Variants in BARX2 observed in about 807,000 individuals in gnomAD.
The protein encoded by BARX2 is BARX homeobox 2, also known as homeobox protein BarH-like 2.
BARX2 carries 11 observed loss-of-function variants against 25.5 expected under a neutral mutation model. The ratio of observed to expected loss-of-function variants is 0.43; its 90% confidence interval spans 0.27 to 0.71. The LOEUF (loss-of-function observed/expected upper bound fraction) is 0.71. BARX2 is among the 30% of genes least tolerant of loss of function. The probability of loss-of-function intolerance (pLI) is 0.19; values close to 1 mark genes in which losing one functional copy is unlikely to be tolerated. For missense variants in BARX2, 360 were observed against 359.9 expected, an observed-to-expected ratio of 1.00 and a Z score of 0.00; for synonymous variants, 137 against 149.5, an observed-to-expected ratio of 0.92 and a Z score of 0.61.
intron 1 of BARX2, among the ~76,000 whole-genome samples, chr11:129,393,532 T>C (rs1306392052): frequency 6.6e-6 from 1 of 151,974 alleles, no homozygotes; most frequent in African/African-American, 2.4e-5. Context: ...TTTTTTTTTT[T>C]TCCTGGAGCA....
At chr11:129,394,935 A>ATTTT (rs33959182) in intron 1 of BARX2, among the ~76,000 whole-genome samples, 6 of 144,838 alleles carry the variant, frequency 4.1e-5, no homozygotes, top group South Asian at 2.2e-4. Context: ...TCCACTCAGC[A>ATTTT]TTTTTTTTTT....
intron 2 of BARX2, among the ~76,000 whole-genome samples, chr11:129,442,310 G>A (rs192528877): frequency 1.1e-4 from 16 of 152,118 alleles, no homozygotes; most frequent in Non-Finnish European, 2.9e-5. Flanking sequence ...AGTGATCAGA[G>A]AACAGCAGGA....
intron 2 of BARX2, 146 bp downstream of exon 2, chr11:129,437,197 C>T: frequency 2.1e-6 from 2 of 970,132 alleles, no homozygotes; most frequent in East Asian, 2.9e-5. Flanking sequence ...ATCATCTCAA[C>T]CTTGGTTAAC....
chr11:129,397,921 G>A lies in BARX2; in HGVS notation c.187+21699G>A, dbSNP rs549107547. Among the ~76,000 whole-genome samples, 4 of 152,358 alleles carry A rather than the reference G, an allele frequency of 2.6e-5. No individual in the cohort carries two copies. The East Asian group carries it at 7.7e-4, about 29-fold the overall frequency. Reference sequence around the variant, plus strand: ...AATGAGTTCTTTTTCTGAACACTATGTTGAATACAGCTGAACATTTTCTGA... The same window carrying A: ...AATGAGTTCTTTTTCTGAACACTATATTGAATACAGCTGAACATTTTCTGA... On this transcript the variant is annotated intron_variant, in intron 1 of 3. Transcript: ENST00000281437.
At chr11:129,428,217 A>G (rs12573893) in intron 1 of BARX2, among the ~76,000 whole-genome samples, 19,535 of 152,182 alleles carry the variant, frequency 0.13, 1,263 homozygotes, top group East Asian at 0.17. Flanking sequence ...CAGTCATCAC[A>G]CTGTCAGTAG....
At chr11:129,441,945 G>A (rs1195857174) in intron 2 of BARX2, among the ~76,000 whole-genome samples, 1 of 152,158 alleles carries the variant, frequency 6.6e-6, no homozygotes, top group Non-Finnish European at 1.5e-5. Context: ...ATGCCGTGGT[G>A]CTCAGGAAAT....
intron 1 of BARX2, among the ~76,000 whole-genome samples, chr11:129,380,689 G>A (rs1043005544): frequency 6.6e-6 from 1 of 152,100 alleles, no homozygotes; most frequent in Non-Finnish European, 1.5e-5. Context: ...ATAAATAGAG[G>A]GATGCACGGG....
chr11:129,378,563 CTT>C (rs56804728), intron 1 of BARX2, among the ~76,000 whole-genome samples: 43,789 of 111,650 alleles, frequency 0.39, 5,183 homozygotes, highest in South Asian at 0.48. Context: ...TTTTCTTTTT[CTT>C]TTTTTTTTTT....
At chr11:129,379,870 T>TG (rs1861543220) in intron 1 of BARX2, among the ~76,000 whole-genome samples, 1 of 151,748 alleles carries the variant, frequency 6.6e-6, no homozygotes, top group African/African-American at 2.4e-5. Flanking sequence ...TGTAGATACT[T>TG]GGACATTTTA....
rs1285912902 is a variant in BARX2, at chr11:129,376,084, G to A, written c.49G>A (p.Ala17Thr). 1.2e-6 allele frequency: 2 copies of A among 1,610,730 alleles called. No individual in the cohort carries two copies. The highest frequency in any genetic ancestry group is 3.3e-5 in the Admixed American group (2 of 59,732). The change falls in exon 1 of 4, where the codon GCA becomes ACA. Residue 17 changes from alanine (A) to threonine (T), a missense_variant. Physicochemically the swap from Ala to Thr is moderately conservative, Grantham distance 58 (BLOSUM62 0). Transcript: ENST00000281437. This position sits in a 1 kb window ranked among gnomAD's most constrained non-coding sequence, Gnocchi z 4.2. ...LRLSSPGQLK[A>T]ARRRYKTFMI... ...GCTGAGCTCGCCCGGCCAGCTCAAA[G>A]CAGCCAGGCGGCGCTACAAGACTTT...
At position 129,436,948 on chromosome 11, in the gene BARX2, C is replaced by G; in HGVS notation, c.385C>G (p.Arg129Gly). Residue 129 changes from arginine to glycine, a missense_variant, in exon 2 of 4, where the codon CGA (arginine) becomes GGA (glycine). Around this residue, in one of 3 missense-constraint regions of BARX2, gnomAD observed 240 missense variants for 228.7 expected, o/e 1.05. Coordinates refer to ENST00000281437, the MANE Select transcript of BARX2 (RefSeq NM_003658.5). This position sits in a 1 kb window ranked among gnomAD's most constrained non-coding sequence, Gnocchi z 4.5. ...GTCAGAGACGGAACAGCCCACGCCCCGACAGAAGAAGCCCCGCCGGAGTCG... is the reference window on the plus strand; with the variant it reads ...GTCAGAGACGGAACAGCCCACGCCCGGACAGAAGAAGCCCCGCCGGAGTCG... Reference protein sequence around the residue: ...SESETEQPTPRQKKPRRSRTI... With the variant: ...SESETEQPTPGQKKPRRSRTI... 6.2e-7 allele frequency: 1 copy of G among 1,612,602 alleles called. No individual in the cohort carries two copies. The highest frequency in any genetic ancestry group is 8.5e-7 in the Non-Finnish European group (1 of 1,178,950).
At chr11:129,441,260 C>CAGGAGCTGGTGTACAGGTCAGACATCG (rs1862253947) in intron 2 of BARX2, among the ~76,000 whole-genome samples, 2 of 152,106 alleles carry the variant, frequency 1.3e-5, no homozygotes, top group African/African-American at 4.8e-5. Flanking sequence ...AGCCCCAATG[C>CAGGAGCTGGTGTACAGGTCAGACATCG]AGGAGCTGGT....
rs2135411574 is a variant in BARX2 at position 129,436,459 on chromosome 11, A to G, written c.188-292A>G. ...ATCTGCCTGGTCCCATGGACCAAGA[A>G]TTTAGGGATTCCGAAGGGAGAGAGG... On this transcript the variant is annotated intron_variant, in intron 1 of 3. Coordinates refer to ENST00000281437, the MANE Select transcript of BARX2 (RefSeq NM_003658.5). This position sits in a 1 kb window ranked among gnomAD's most constrained non-coding sequence, Gnocchi z 4.5. 2 of 368,750 alleles carry G rather than the reference A, an allele frequency of 5.4e-6. No individual in the cohort carries two copies. 22.8% of individuals were successfully genotyped at this position (368,750 alleles called of 1,614,324 possible). A position where few individuals can be genotyped will look rare whatever the true frequency, so the allele number is the denominator to read the frequency against.
intron 3 of BARX2, among the ~76,000 whole-genome samples, chr11:129,443,212 T>C (rs769040365): frequency 8.5e-5 from 13 of 152,168 alleles, no homozygotes; most frequent in South Asian, 2.1e-4. Flanking sequence ...CTAGGGTACA[T>C]GTGCAGAACA....
intron 1 of BARX2, among the ~76,000 whole-genome samples, chr11:129,388,961 GAAGATAAT>G (rs1411648447): frequency 2.0e-5 from 3 of 152,192 alleles, no homozygotes; most frequent in Non-Finnish European, 2.9e-5. Flanking sequence ...TCTGTGAAAT[GAAGATAAT>G]AATAATCACA....
intron 3 of BARX2, among the ~76,000 whole-genome samples, chr11:129,445,735 G>A (rs1168582535): frequency 6.6e-6 from 1 of 152,200 alleles, no homozygotes; most frequent in Non-Finnish European, 1.5e-5. Context: ...AAGTGCAGAA[G>A]ACACATCTGC....
chr11:129,422,229 A>G (rs187941627), intron 1 of BARX2, among the ~76,000 whole-genome samples: 1 of 152,254 alleles, frequency 6.6e-6, no homozygotes, highest in Non-Finnish European at 1.5e-5. Context: ...ATCATCTGCC[A>G]TCCTGGCTAG....
intron 1 of BARX2, among the ~76,000 whole-genome samples, chr11:129,414,023 G>A (rs1198496208): frequency 2.6e-5 from 4 of 151,466 alleles, no homozygotes; most frequent in South Asian, 2.1e-4. Context: ...CCGAGATCGC[G>A]CCACTGCACT....
Position 129,423,658 on chromosome 11 carries a change from A to G in BARX2, c.188-13093A>G, listed in dbSNP as rs147413392. On this transcript the variant is annotated intron_variant, in intron 1 of 3. Coordinates refer to ENST00000281437, the MANE Select transcript of BARX2 (RefSeq NM_003658.5). ...GTTTCAAAACTTATGTGAAAAGGCTAATGAGTAACCTCATTGAATGTTTAT... is the reference window on the plus strand; with the variant it reads ...GTTTCAAAACTTATGTGAAAAGGCTGATGAGTAACCTCATTGAATGTTTAT... Among the ~76,000 whole-genome samples the G allele has an allele frequency of 3.0e-3, 461 of 152,314 alleles. 1 individual carries two copies. The highest frequency in any genetic ancestry group is 0.01 in the Middle Eastern group (3 of 294).
Sources: gnomAD v4.1 joint callset for allele counts (sites outside exome capture counted in the v4.1 genomes callset) on GRCh38, gnomAD v4.1.1 for gene constraint, gnomAD v4.1.1 regional missense constraint, Gnocchi (gnomAD v3.1) non-coding constraint, MANE v1.5 for transcripts, NCBI Gene and HGNC (gene_info 2026-07-23, HGNC 2026-07-21) for gene names.